Variants in RIN3 observed in about 807,000 individuals in gnomAD.
RIN3 encodes Ras and Rab interactor 3.
RIN3 carries 54 observed loss-of-function variants against 76.3 expected under a neutral mutation model. The ratio of observed to expected loss-of-function variants is 0.71; its 90% CI spans 0.57 to 0.89. The LOEUF (loss-of-function observed/expected upper bound fraction) is 0.89. RIN3 is among the 40% of genes least tolerant of loss of function. RIN3 has a pLI of 0.00. For missense variants in RIN3, 1,256 were observed against 1,322.1 expected, an observed-to-expected ratio of 0.95 and a Z score of 0.78; for synonymous variants, 576 against 564.0, an observed-to-expected ratio of 1.02 and a Z score of -0.30.
intron 1 of RIN3, among the ~76,000 whole-genome samples, chr14:92,553,145 G>A (rs981654924): frequency 1.3e-5 from 2 of 152,142 alleles, no homozygotes; most frequent in African/African-American, 4.8e-5. Flanking sequence ...AGACCTTGAG[G>A]GGGAAAGGAC....
chr14:92,655,653 C>T (rs886668946), intron 6 of RIN3, among the ~76,000 whole-genome samples: 21 of 152,184 alleles, frequency 1.4e-4, no homozygotes, highest in African/African-American at 4.8e-4. Flanking sequence ...ACTGTCAGAG[C>T]CAAGGTGAGC....
At chr14:92,583,426 A>G (rs981737551) in intron 3 of RIN3, among the ~76,000 whole-genome samples, 1 of 152,276 alleles carries the variant, frequency 6.6e-6, no homozygotes, top group Non-Finnish European at 1.5e-5. Context: ...CTGTGGTAAC[A>G]AACAACCCTA....
intron 8 of RIN3, among the ~76,000 whole-genome samples, chr14:92,682,683 C>A (rs1888709058): frequency 6.6e-6 from 1 of 152,140 alleles, no homozygotes; most frequent in African/African-American, 2.4e-5. Flanking sequence ...TCCTGGAAGC[C>A]CCACCCAGCC....
chr14:92,536,289 T>C (rs1355487003), intron 1 of RIN3, among the ~76,000 whole-genome samples: 4 of 152,224 alleles, frequency 2.6e-5, no homozygotes, highest in African/African-American at 7.2e-5. Flanking sequence ...TTGTGTAGAA[T>C]TGATAGCTTG....
chr14:92,532,736 G>A (rs566107673), intron 1 of RIN3, among the ~76,000 whole-genome samples: 20 of 152,314 alleles, frequency 1.3e-4, no homozygotes, highest in African/African-American at 3.8e-4. Context: ...ACAGGTTGCA[G>A]GTACTCTTAG....
At position 92,555,731 on chromosome 14, in the gene RIN3, C is replaced by G. The variant is rs1253806628; in HGVS notation, c.45-20C>G. 3 of 1,612,592 alleles carry G rather than the reference C, an allele frequency of 1.9e-6. No homozygotes were observed. In the African/African-American group the frequency reaches 4.0e-5, roughly 22 times the overall value. On this transcript the variant is annotated intron_variant, in intron 1 of 9. Transcript: ENST00000216487. ...CTGGGCTGGCTGCAGGATAGCTGAT[C>G]ATTGAATTCTGTTTTTCAGTCCGGT...
chr14:92,643,602 G>A lies in RIN3; in HGVS notation c.532+2273G>A, dbSNP rs1887092899. ...GACACCGACCATTGCAGAGCACTTG[G>A]CATTGTCTTATGTCATTTTTGTGCA... On this transcript the variant is annotated intron_variant, in intron 5 of 9. Coordinates refer to ENST00000216487, the MANE Select transcript of RIN3 (RefSeq NM_024832.5). The surrounding 1 kb of genome is among the most constrained non-coding windows in gnomAD (Gnocchi z 4.8). 6.6e-6 allele frequency among the ~76,000 whole-genome samples: 1 copy of A among 152,136 alleles called. No individual in the cohort carries two copies. The highest frequency in any genetic ancestry group is 6.5e-5 in the Admixed American group (1 of 15,268).
chr14:92,582,039 A>G (rs776947981), intron 3 of RIN3, among the ~76,000 whole-genome samples: 1 of 152,170 alleles, frequency 6.6e-6, no homozygotes, highest in Non-Finnish European at 1.5e-5. Flanking sequence ...CAGTGATCAG[A>G]TATCAAGGGG....
chr14:92,585,375 A>G (rs906278298), intron 3 of RIN3, among the ~76,000 whole-genome samples: 4 of 152,160 alleles, frequency 2.6e-5, no homozygotes, highest in African/African-American at 4.8e-5. Context: ...ACCCGTGCAC[A>G]TGGATCTCCA....
At chr14:92,545,287 T>C (rs922117482) in intron 1 of RIN3, among the ~76,000 whole-genome samples, 4 of 151,860 alleles carry the variant, frequency 2.6e-5, no homozygotes, top group Admixed American at 6.6e-5. Flanking sequence ...TTTTTTTGTA[T>C]TTTTAATAGA....
chr14:92,681,111 A>G lies in RIN3; in HGVS notation c.2468-3876A>G, dbSNP rs1009346385. Among the ~76,000 whole-genome samples the G allele has an allele frequency of 6.6e-6, 1 of 152,182 alleles. No individual in the cohort carries two copies. Among genetic ancestry groups the G allele is most frequent in the Admixed American group, 6.5e-5 (1 of 15,282 alleles). Reference sequence around the variant, plus strand: ...AGTGCCCTCTTGGACCCCTTTGCCCATGTCCCTTCCCTAGTCTGCCTGACA... The same window carrying G: ...AGTGCCCTCTTGGACCCCTTTGCCCGTGTCCCTTCCCTAGTCTGCCTGACA... On this transcript the variant is annotated intron_variant, in intron 8 of 9. Transcript: ENST00000216487. The surrounding 1 kb of genome is among the most constrained non-coding windows in gnomAD (Gnocchi z 4.7).
intron 3 of RIN3, among the ~76,000 whole-genome samples, chr14:92,609,941 T>C (rs1195069634): frequency 2.0e-5 from 3 of 152,116 alleles, no homozygotes; most frequent in Non-Finnish European, 4.4e-5. Flanking sequence ...GTTTATTTAA[T>C]GTATCAATAT....
At chr14:92,669,026 C>A (rs1888201112) in intron 7 of RIN3, among the ~76,000 whole-genome samples, 1 of 152,210 alleles carries the variant, frequency 6.6e-6, no homozygotes. Flanking sequence ...ACCCAGAAGA[C>A]CCAGCCCATG....
chr14:92,600,357 C>T (rs1277579654), intron 3 of RIN3, among the ~76,000 whole-genome samples: 1 of 152,156 alleles, frequency 6.6e-6, no homozygotes, highest in African/African-American at 2.4e-5. Flanking sequence ...CTGCAGGCTT[C>T]CCCGTCCCAA....
At chr14:92,563,352 A>C (rs1033315013) in intron 2 of RIN3, among the ~76,000 whole-genome samples, 1 of 151,896 alleles carries the variant, frequency 6.6e-6, no homozygotes. Flanking sequence ...CAAGAGCAAA[A>C]CTCTGTCTCA....
At position 92,514,922 on chromosome 14, in the gene RIN3, C is replaced by T. The variant is rs1294979575; in HGVS notation, c.44+946C>T. Among the ~76,000 whole-genome samples, 2 of 152,234 alleles carry T rather than the reference C, an allele frequency of 1.3e-5. No individual in the cohort carries two copies. The highest frequency in any genetic ancestry group is 2.9e-5 in the Non-Finnish European group (2 of 68,050). On this transcript the variant is annotated intron_variant, in intron 1 of 9. Coordinates refer to ENST00000216487, the MANE Select transcript of RIN3 (RefSeq NM_024832.5). This position sits in a 1 kb window ranked among gnomAD's most constrained non-coding sequence, Gnocchi z 7.2. ...ATTCCCAGCTTTTTGGTTTAAAAGT[C>T]CCGGGCCTACTTCTCTGATGGACAC...
chr14:92,516,669 G>A (rs1896452602), intron 1 of RIN3, among the ~76,000 whole-genome samples: 1 of 152,046 alleles, frequency 6.6e-6, no homozygotes, highest in African/African-American at 2.4e-5. Context: ...AGCTGGGAGT[G>A]CAAGGGGCTG....
At chr14:92,651,154 A>T (rs1374956701) in intron 5 of RIN3, among the ~76,000 whole-genome samples, 1 of 152,168 alleles carries the variant, frequency 6.6e-6, no homozygotes, top group Non-Finnish European at 1.5e-5. Context: ...GGAAGGTCAA[A>T]CCACCTGCCC....
chr14:92,688,452 T>C lies in RIN3; in HGVS notation c.*200T>C. The stretch of plus-strand genomic sequence containing the variant: ...TCCTGAGGGCAAGTCCTAATAGCCC[T>C]GAGACACCGAGACGGCATGTTCTTC... On this transcript the variant is annotated 3_prime_UTR_variant, in exon 10 of 10. Coordinates refer to ENST00000216487, the MANE Select transcript of RIN3 (RefSeq NM_024832.5). 1 of 578,042 alleles carries C rather than the reference T, an allele frequency of 1.7e-6. No individual in the cohort carries two copies. The highest frequency in any genetic ancestry group is 3.0e-6 in the Non-Finnish European group (1 of 329,378). The allele number at this position is 578,042 out of a possible 1,614,324, so 35.8% of individuals were successfully genotyped here.
Sources: allele counts gnomAD v4.1 joint callset (sites outside exome capture counted in the v4.1 genomes callset), GRCh38; gene constraint gnomAD v4.1.1; non-coding constraint Gnocchi (gnomAD v3.1); transcripts MANE v1.5; gene names NCBI Gene and HGNC (gene_info 2026-07-23, HGNC 2026-07-21).